CFDP1: variants seen among roughly 807,000 people sequenced by gnomAD.
CFDP1 encodes heterochromatin-stabilizing protein CFDP1.
In CFDP1, 31 loss-of-function variants were observed where a neutral mutation model predicts 40.1. The ratio of observed to expected loss-of-function variants is 0.77; its 90% CI spans 0.58 to 1.04. The LOEUF (loss-of-function observed/expected upper bound fraction) is 1.04, where lower values mean the gene tolerates loss of function less well. Among genes scored for constraint, CFDP1 ranks in the 50% least tolerant of loss-of-function variants. CFDP1 has a pLI of 0.00. For synonymous variants in CFDP1, 167 were observed against 120.0 expected (o/e 1.39, Z -2.56); for missense variants, 423 against 343.4 (o/e 1.23, Z -1.83).
intron 5 of CFDP1, among the ~76,000 whole-genome samples, chr16:75,370,971 G>A (rs979300339): frequency 1.3e-5 from 2 of 152,176 alleles, no homozygotes; most frequent in African/African-American, 4.8e-5. Flanking sequence ...ATCTCACTTT[G>A]TTAGTTTATT....
chr16:75,423,678 C>A (rs1435739004), intron 1 of CFDP1, among the ~76,000 whole-genome samples: 2 of 151,970 alleles, frequency 1.3e-5, no homozygotes, highest in African/African-American at 2.4e-5. Context: ...CCTCGCCCGG[C>A]TAATTTTTTG....
intron 1 of CFDP1, among the ~76,000 whole-genome samples, chr16:75,432,678 T>C (rs2079436699): frequency 6.6e-6 from 1 of 152,190 alleles, no homozygotes; most frequent in Admixed American, 6.5e-5. Context: ...GAAGATACTT[T>C]CAACGAGACG....
intron 1 of CFDP1, among the ~76,000 whole-genome samples, chr16:75,417,098 G>C (rs1309399769): frequency 3.9e-5 from 6 of 152,108 alleles, no homozygotes; most frequent in South Asian, 4.1e-4. Flanking sequence ...TTGAACCCAG[G>C]AGGTCAAGGC....
chr16:75,409,884 A>G (rs2079141352), intron 4 of CFDP1, among the ~76,000 whole-genome samples: 1 of 152,066 alleles, frequency 6.6e-6, no homozygotes. Flanking sequence ...AAGAAGTTAG[A>G]GAGAAAATTT....
At chr16:75,324,926 C>T (rs2078392059) in intron 5 of CFDP1, 1 of 152,078 alleles carries the variant, frequency 6.6e-6, no homozygotes, top group African/African-American at 2.4e-5. Flanking sequence ...CGTTGGTCTC[C>T]TTTAATTTAG....
intron 5 of CFDP1, among the ~76,000 whole-genome samples, chr16:75,331,928 G>A (rs894781803): frequency 6.6e-6 from 1 of 152,162 alleles, no homozygotes; most frequent in Non-Finnish European, 1.5e-5. Flanking sequence ...CCTACCATCA[G>A]CTATGTATGT....
At chr16:75,416,936 G>C (rs983465200) in intron 1 of CFDP1, among the ~76,000 whole-genome samples, 1 of 152,112 alleles carries the variant, frequency 6.6e-6, no homozygotes, top group Non-Finnish European at 1.5e-5. Context: ...GTGAGTTCCT[G>C]CTTAAGACAG....
At chr16:75,339,639 T>C (rs534590469) in intron 5 of CFDP1, among the ~76,000 whole-genome samples, 54 of 152,352 alleles carry the variant, frequency 3.5e-4, no homozygotes, top group Admixed American at 1.6e-3. Flanking sequence ...CCACCTTTAA[T>C]TTGATTCCCT....
intron 5 of CFDP1, among the ~76,000 whole-genome samples, chr16:75,314,193 T>G (rs566484005): frequency 6.6e-6 from 1 of 152,308 alleles, no homozygotes; most frequent in South Asian, 2.1e-4. Context: ...CCTTGTTCAT[T>G]GTTATATTTG....
chr16:75,345,329 T>G (rs139321092), intron 5 of CFDP1, among the ~76,000 whole-genome samples: 3 of 152,094 alleles, frequency 2.0e-5, no homozygotes, highest in African/African-American at 4.8e-5. Flanking sequence ...TGGTGGTACA[T>G]GCCTGTAGTC....
At chr16:75,333,962 C>T (rs1161053831) in intron 5 of CFDP1, among the ~76,000 whole-genome samples, 1 of 152,142 alleles carries the variant, frequency 6.6e-6, no homozygotes, top group Non-Finnish European at 1.5e-5. Context: ...TTCTGGGCTG[C>T]CCCCACCCTG....
intron 5 of CFDP1, among the ~76,000 whole-genome samples, chr16:75,347,126 A>G (rs984818417): frequency 1.3e-5 from 2 of 151,940 alleles, no homozygotes; most frequent in African/African-American, 4.8e-5. Flanking sequence ...TGGGTGAATC[A>G]CGGGGTCAGA....
At chr16:75,415,897 G>A (rs928593961) in intron 1 of CFDP1, among the ~76,000 whole-genome samples, 5 of 152,130 alleles carry the variant, frequency 3.3e-5, no homozygotes, top group African/African-American at 1.2e-4. Flanking sequence ...CTGTCACCCA[G>A]GCTGGAGTGC....
intron 4 of CFDP1, among the ~76,000 whole-genome samples, chr16:75,395,429 G>C (rs1183317186): frequency 6.6e-6 from 1 of 152,124 alleles, no homozygotes; most frequent in Non-Finnish European, 1.5e-5. Context: ...GGGAGGCCGA[G>C]GCAGGCGGAT....
At chr16:75,419,586 G>A (rs2079253138) in intron 1 of CFDP1, among the ~76,000 whole-genome samples, 3 of 152,182 alleles carry the variant, frequency 2.0e-5, no homozygotes, top group Non-Finnish European at 4.4e-5. Flanking sequence ...GTAAAACAAG[G>A]CTGAAACCTG....
intron 5 of CFDP1, among the ~76,000 whole-genome samples, chr16:75,377,816 C>T (rs1047787175): frequency 6.6e-6 from 1 of 152,188 alleles, no homozygotes; most frequent in Non-Finnish European, 1.5e-5. Context: ...CATGCAGTTG[C>T]CCCAAACTGC....
At chr16:75,428,494 T>C (rs2079367771) in intron 1 of CFDP1, among the ~76,000 whole-genome samples, 1 of 151,932 alleles carries the variant, frequency 6.6e-6, no homozygotes, top group Non-Finnish European at 1.5e-5. Context: ...GGCACGCGCC[T>C]GTATCCCAGC....
In CFDP1 at chr16:75,304,671, A is replaced by G. The variant is rs143852316; in HGVS notation, c.809+353T>C. On this transcript the variant is annotated intron_variant, in intron 6 of 6. Coordinates refer to ENST00000283882, the MANE Select transcript of CFDP1 (RefSeq NM_006324.3). ...CGGATCTGAACTAGTTTGGTTTCTC[A>G]GAAGGACAAATGATTCAGATAAGGC... is the stretch of plus-strand genomic sequence containing the variant. Among the ~76,000 whole-genome samples, 522 of 152,330 alleles carry G rather than the reference A, an allele frequency of 3.4e-3. 2 individuals carry two copies. The highest frequency in any genetic ancestry group is 0.012 in the African/African-American group (486 of 41,576).
intron 6 of CFDP1, among the ~76,000 whole-genome samples, chr16:75,295,017 G>A (rs926792714): frequency 2.6e-5 from 4 of 152,174 alleles, no homozygotes; most frequent in Non-Finnish European, 5.9e-5. Flanking sequence ...ATTAATCTAT[G>A]GAGAGAGCAA....
Sources: allele counts gnomAD v4.1 joint callset (sites outside exome capture counted in the v4.1 genomes callset), GRCh38; gene constraint gnomAD v4.1.1; transcripts MANE v1.5; gene names NCBI Gene and HGNC (gene_info 2026-07-23, HGNC 2026-07-21).